NELL2: variants seen among roughly 807,000 people sequenced by gnomAD.
NELL2 encodes the protein neural EGFL like 2, also known as protein kinase C-binding protein NELL2.
Under a neutral mutation model 109.6 loss-of-function variants are expected in NELL2, and 41 were observed. The ratio of observed to expected loss-of-function variants is 0.37; its 90% CI spans 0.29 to 0.49. NELL2 has a LOEUF of 0.49. NELL2 is among the 20% of genes least tolerant of loss of function. NELL2 has a pLI of 0.98. For synonymous variants in NELL2, 355 were observed against 344.7 expected, an observed-to-expected ratio of 1.03 and a Z score of -0.33; for missense variants, 900 against 1,008.3, an observed-to-expected ratio of 0.89 and a Z score of 1.45.
chr12:44,794,799 T>C (rs1049014253), intron 3 of NELL2, among the ~76,000 whole-genome samples: 1 of 152,198 alleles, frequency 6.6e-6, no homozygotes, highest in East Asian at 1.9e-4. Flanking sequence ...ATTTTTATTA[T>C]CCTTTATTTT....
At chr12:44,516,649 G>A (rs1453727606) in intron 19 of NELL2, among the ~76,000 whole-genome samples, 1 of 151,918 alleles carries the variant, frequency 6.6e-6, no homozygotes, top group African/African-American at 2.4e-5. Context: ...TTATTTATGG[G>A]GGAAATAATT....
chr12:44,846,337 A>T (rs539562204), intron 2 of NELL2, among the ~76,000 whole-genome samples: 1 of 152,366 alleles, frequency 6.6e-6, no homozygotes, highest in South Asian at 2.1e-4. Context: ...TGGTGTCAGC[A>T]TCAACACGGA....
chr12:44,867,842 A>T (rs112538922), intron 2 of NELL2, among the ~76,000 whole-genome samples: 1 of 152,064 alleles, frequency 6.6e-6, no homozygotes, highest in Non-Finnish European at 1.5e-5. Flanking sequence ...TAAACTGGTG[A>T]GGTGCAGTGG....
rs565671056 is a variant in NELL2 at position 44,591,193 on chromosome 12, C to T, written c.1663+15976G>A. Among the ~76,000 whole-genome samples the T allele has an allele frequency of 1.2e-4, 19 of 152,218 alleles. No homozygotes were observed. The South Asian group carries it at 3.5e-3, about 28-fold the overall frequency. ...CTGCCGTTGGGAATATAAATTAGTA[C>T]AGCCATTATGGAGAACATTATGGAA... is the stretch of plus-strand genomic sequence containing the variant. On this transcript the variant is annotated intron_variant, in intron 15 of 19. Coordinates refer to ENST00000429094, the MANE Select transcript of NELL2 (RefSeq NM_001145108.2).
chr12:44,806,072 A>C (rs1942988488), intron 3 of NELL2, among the ~76,000 whole-genome samples: 1 of 151,696 alleles, frequency 6.6e-6, no homozygotes, highest in Non-Finnish European at 1.5e-5. Flanking sequence ...AGAGACAGAA[A>C]GTATTGACTA....
At chr12:44,687,081 A>G (rs534479613) in intron 12 of NELL2, among the ~76,000 whole-genome samples, 1 of 152,302 alleles carries the variant, frequency 6.6e-6, no homozygotes, top group South Asian at 2.1e-4. Context: ...GGACCCTCCG[A>G]GCCAAGTGGG....
chr12:44,711,394 C>A lies in NELL2; in HGVS notation c.1087G>T (p.Asp363Tyr). Residue 363 changes from aspartate (D) to tyrosine (Y), a missense_variant and splice_region_variant, in exon 11 of 20, where the codon GAC becomes TAC. Physicochemically the swap from Asp to Tyr is radical, Grantham distance 160. Coordinates refer to ENST00000429094, the MANE Select transcript of NELL2 (RefSeq NM_001145108.2). ...SGVCVLYECK[D>Y]QTMKLVESSG... ...CTCTCAACAAGTTTCATGGTCTGGTCCTGTTAGACAACAGAAAAGAAGTGC... is the reference window on the plus strand; with the variant it reads ...CTCTCAACAAGTTTCATGGTCTGGTACTGTTAGACAACAGAAAAGAAGTGC... 1 of 1,610,658 alleles carries A rather than the reference C, an allele frequency of 6.2e-7. No individual in the cohort carries two copies. Among genetic ancestry groups the A allele is most frequent in the South Asian group, 1.1e-5 (1 of 90,998 alleles).
chr12:44,637,100 C>T (rs1254587784), intron 13 of NELL2, among the ~76,000 whole-genome samples: 1 of 151,762 alleles, frequency 6.6e-6, no homozygotes, highest in Non-Finnish European at 1.5e-5. Flanking sequence ...GTGGTGATAT[C>T]CCCTTTATCA....
At chr12:44,674,380 CTAAG>C (rs1948239716) in intron 12 of NELL2, among the ~76,000 whole-genome samples, 1 of 152,042 alleles carries the variant, frequency 6.6e-6, no homozygotes, top group Non-Finnish European at 1.5e-5. Flanking sequence ...AGGTTAATGA[CTAAG>C]AGTAGAGATA....
chr12:44,706,056 T>C (rs1323345154), intron 11 of NELL2, among the ~76,000 whole-genome samples: 1 of 152,178 alleles, frequency 6.6e-6, no homozygotes. Flanking sequence ...ATTAAACATC[T>C]TGCACACATA....
At chr12:44,753,610 A>G (rs1027058355) in intron 9 of NELL2, among the ~76,000 whole-genome samples, 1 of 152,164 alleles carries the variant, frequency 6.6e-6, no homozygotes, top group East Asian at 1.9e-4. Context: ...CACATGCCCT[A>G]TTTTTAATAC....
chr12:44,738,802 G>C (rs1237006994), intron 9 of NELL2, among the ~76,000 whole-genome samples: 2 of 152,206 alleles, frequency 1.3e-5, no homozygotes. Flanking sequence ...TGCTAAGAAA[G>C]TAGATCCTAA....
chr12:44,767,725 T>C (rs1254467841), intron 9 of NELL2, among the ~76,000 whole-genome samples: 1 of 152,154 alleles, frequency 6.6e-6, no homozygotes, highest in Non-Finnish European at 1.5e-5. Context: ...CTCCAATATA[T>C]GTTATTAACA....
At chr12:44,564,720 C>T (rs1457438377) in intron 15 of NELL2, among the ~76,000 whole-genome samples, 1 of 152,180 alleles carries the variant, frequency 6.6e-6, no homozygotes, top group Non-Finnish European at 1.5e-5. Context: ...ACAAGGAGTA[C>T]ATCTAGGTTG....
rs893892562 is a variant in NELL2, at chr12:44,637,797, T to C, written c.1445-26827A>G. Among the ~76,000 whole-genome samples, 5 of 151,744 alleles carry C rather than the reference T, an allele frequency of 3.3e-5. No individual in the cohort carries two copies. In the Admixed American group the frequency reaches 3.3e-4, roughly 10 times the overall value. On this transcript the variant is annotated intron_variant, in intron 13 of 19. Transcript: ENST00000429094. Reference sequence around the variant, plus strand: ...ATTTCAGAAAGAAGTTGCTATAAAGTTGATATGCATCTTAATGAGAAAAAA... The same window carrying C: ...ATTTCAGAAAGAAGTTGCTATAAAGCTGATATGCATCTTAATGAGAAAAAA...
chr12:44,688,003 T>C (rs1197043443), intron 12 of NELL2, among the ~76,000 whole-genome samples: 2 of 152,206 alleles, frequency 1.3e-5, no homozygotes, highest in South Asian at 2.1e-4. Context: ...TTCTCTCTAA[T>C]ATTAATAAAC....
At chr12:44,868,726 G>A (rs1945079717) in intron 2 of NELL2, among the ~76,000 whole-genome samples, 1 of 152,148 alleles carries the variant, frequency 6.6e-6, no homozygotes, top group Non-Finnish European at 1.5e-5. Flanking sequence ...CTGGTTACTA[G>A]GGCCTGGGGA....
At chr12:44,710,155 G>A (rs142807058) in intron 11 of NELL2, among the ~76,000 whole-genome samples, 2 of 152,108 alleles carry the variant, frequency 1.3e-5, no homozygotes, top group East Asian at 3.9e-4. Context: ...GCACCACCCT[G>A]CTAAAAATGG....
At chr12:44,790,337 A>C (rs1280828091) in intron 3 of NELL2, among the ~76,000 whole-genome samples, 2 of 152,260 alleles carry the variant, frequency 1.3e-5, no homozygotes, top group East Asian at 3.9e-4. Context: ...TCCTCAAACA[A>C]AACAATTATC....
Sources: allele counts gnomAD v4.1 joint callset (sites outside exome capture counted in the v4.1 genomes callset), GRCh38; gene constraint gnomAD v4.1.1; transcripts MANE v1.5; gene names NCBI Gene and HGNC (gene_info 2026-07-23, HGNC 2026-07-21).